Variants in ARK2N observed in about 807,000 individuals in gnomAD.
The protein encoded by ARK2N is arkadia (RNF111) N-terminal like PKA signaling regulator 2N.
At chr18:46,181,505 G>A in the ARK2N span, among the ~76,000 whole-genome samples, 1 of 152,030 alleles carries the variant, frequency 6.6e-6, no homozygotes, top group African/African-American at 2.4e-5. Context: ...ATGAGGTCAG[G>A]AGATCGAGAC....
At chr18:46,259,209 A>T in the ARK2N span, among the ~76,000 whole-genome samples, 1 of 152,076 alleles carries the variant, frequency 6.6e-6, no homozygotes, top group South Asian at 2.1e-4. Context: ...CACTCAGATC[A>T]GAACACAGAA....
chr18:46,231,266 G>C, the ARK2N span, among the ~76,000 whole-genome samples: 3 of 148,834 alleles, frequency 2.0e-5, no homozygotes, highest in Middle Eastern at 0.01. Flanking sequence ...TTTTTTGTTT[G>C]TATGGATTTT....
At chr18:46,185,053 G>A in the ARK2N span, among the ~76,000 whole-genome samples, 1 of 152,230 alleles carries the variant, frequency 6.6e-6, no homozygotes, top group Non-Finnish European at 1.5e-5. Context: ...GAGAAATCAT[G>A]TTGATTCTAT....
the ARK2N span, among the ~76,000 whole-genome samples, chr18:46,238,461 A>G: frequency 6.6e-6 from 1 of 152,210 alleles, no homozygotes; most frequent in Non-Finnish European, 1.5e-5. Flanking sequence ...TTAGAAAAGA[A>G]AAACCTGAAA....
At chr18:46,243,548 A>G in the ARK2N span, among the ~76,000 whole-genome samples, 1 of 152,344 alleles carries the variant, frequency 6.6e-6, no homozygotes, top group Middle Eastern at 3.4e-3. Flanking sequence ...TTTTAGTTTT[A>G]ACCTAGGCAA....
At chr18:46,236,678 A>T in the ARK2N span, among the ~76,000 whole-genome samples, 1 of 152,194 alleles carries the variant, frequency 6.6e-6, no homozygotes, top group Non-Finnish European at 1.5e-5. Flanking sequence ...TGAAGTAATT[A>T]CTTTGATGTT....
At chr18:46,241,789 T>C in the ARK2N span, among the ~76,000 whole-genome samples, 1 of 152,164 alleles carries the variant, frequency 6.6e-6, no homozygotes, top group Non-Finnish European at 1.5e-5. Flanking sequence ...CCACATTTTG[T>C]ACAATATGTG....
chr18:46,247,319 G>A, the ARK2N span, among the ~76,000 whole-genome samples: 2 of 152,184 alleles, frequency 1.3e-5, no homozygotes, highest in Non-Finnish European at 1.5e-5. Flanking sequence ...CCTAGTCAGT[G>A]AAGACTGGTT....
chr18:46,248,150 G>A, the ARK2N span, among the ~76,000 whole-genome samples: 3 of 152,296 alleles, frequency 2.0e-5, no homozygotes, highest in South Asian at 6.2e-4. Context: ...TAACCTCCTG[G>A]AAGGCACTGC....
the ARK2N span, among the ~76,000 whole-genome samples, chr18:46,225,152 G>C: frequency 6.6e-6 from 1 of 152,192 alleles, no homozygotes; most frequent in African/African-American, 2.4e-5. Context: ...GAACCCAGGG[G>C]ACCTAAGATG....
chr18:46,216,044 T>C, the ARK2N span: 1 of 1,614,002 alleles, frequency 6.2e-7, no homozygotes. The surrounding 1 kb of genome is among the most constrained non-coding windows in gnomAD (Gnocchi z 4.3). Flanking sequence ...ATTTCTTCAA[T>C]GCCCTGCTTG....
the ARK2N span, among the ~76,000 whole-genome samples, chr18:46,184,723 TAAC>T: frequency 9.9e-5 from 15 of 151,860 alleles, no homozygotes; most frequent in African/African-American, 2.9e-4. Flanking sequence ...ACCCTGTCTC[TAAC>T]AACAACAACA....
the ARK2N span, among the ~76,000 whole-genome samples, chr18:46,223,524 TAGTG>T: frequency 2.5e-3 from 374 of 152,302 alleles, 3 homozygotes; most frequent in African/African-American, 8.5e-3. Flanking sequence ...TTATATTTGA[TAGTG>T]AGACAGGGGA....
At chr18:46,215,993 A>C in the ARK2N span, 1 of 1,614,126 alleles carries the variant, frequency 6.2e-7, no homozygotes, top group Non-Finnish European at 8.5e-7. Context: ...GTAGAACTGG[A>C]ATCTCAAGTT....
chr18:46,237,091 G>GA, the ARK2N span, among the ~76,000 whole-genome samples: 1 of 152,046 alleles, frequency 6.6e-6, no homozygotes, highest in Non-Finnish European at 1.5e-5. Context: ...TCAAACTCCT[G>GA]ACCTCAAGTG....
At chr18:46,205,942 C>G in the ARK2N span, among the ~76,000 whole-genome samples, 3 of 151,952 alleles carry the variant, frequency 2.0e-5, no homozygotes, top group African/African-American at 7.3e-5. Flanking sequence ...GTTTCCCAGG[C>G]TGATTTTTAA....
the ARK2N span, among the ~76,000 whole-genome samples, chr18:46,175,830 T>A: frequency 1.4e-5 from 2 of 146,936 alleles, no homozygotes; most frequent in Non-Finnish European, 2.9e-5. Flanking sequence ...GGAAAAAAAA[T>A]TTTTTCTGAC....
chr18:46,247,505 A>C, the ARK2N span, among the ~76,000 whole-genome samples: 1 of 152,220 alleles, frequency 6.6e-6, no homozygotes, highest in African/African-American at 2.4e-5. Flanking sequence ...TGAGTGATCA[A>C]GGAGGAAGAG....
chr18:46,225,113 A>G, the ARK2N span, among the ~76,000 whole-genome samples: 1 of 152,364 alleles, frequency 6.6e-6, no homozygotes, highest in East Asian at 1.9e-4. Flanking sequence ...ACTCATCTTG[A>G]CACTGGCGAA....
Sources: gnomAD v4.1 joint callset for allele counts (sites outside exome capture counted in the v4.1 genomes callset) on GRCh38, gnomAD v4.1.1 for gene constraint, Gnocchi (gnomAD v3.1) non-coding constraint, MANE v1.5 for transcripts, NCBI Gene and HGNC (gene_info 2026-07-23, HGNC 2026-07-21) for gene names.